The following CLYBL variants were observed in gnomAD, a reference collection of about 807,000 sequenced individuals.
The protein encoded by CLYBL is citramalyl-CoA lyase.
A neutral mutation model predicts 38.9 loss-of-function variants in CLYBL; 31 were observed. The ratio of observed to expected loss-of-function variants is 0.80; its 90% CI spans 0.60 to 1.08. The LOEUF (loss-of-function observed/expected upper bound fraction) is 1.08, where lower values mean the gene tolerates loss of function less well. Among genes scored for constraint, CLYBL ranks in the 50% least tolerant of loss-of-function variants. CLYBL has a pLI of 0.00. For missense variants in CLYBL, 434 were observed against 411.6 expected, an observed-to-expected ratio of 1.05 and a Z score of -0.47; for synonymous variants, 171 against 158.6, an observed-to-expected ratio of 1.08 and a Z score of -0.59.
chr13:99,668,726 C>T (rs1483279566), intron 1 of CLYBL, among the ~76,000 whole-genome samples: 1 of 152,282 alleles, frequency 6.6e-6, no homozygotes, highest in Non-Finnish European at 1.5e-5. Flanking sequence ...GGTACAATGA[C>T]ACAGCAACCC....
At chr13:99,864,229 G>T (rs1415929304) in intron 4 of CLYBL, among the ~76,000 whole-genome samples, 5 of 152,084 alleles carry the variant, frequency 3.3e-5, no homozygotes, top group Non-Finnish European at 5.9e-5. Context: ...TTATTAGCAG[G>T]TTATATCTCC....
chr13:99,807,760 C>T (rs1469817236), intron 2 of CLYBL, among the ~76,000 whole-genome samples: 1 of 152,016 alleles, frequency 6.6e-6, no homozygotes, highest in Admixed American at 6.6e-5. Flanking sequence ...TGCCAGTGTA[C>T]ACTCTAAAGG....
chr13:99,718,383 A>G (rs1450353407), intron 1 of CLYBL, among the ~76,000 whole-genome samples: 1 of 152,098 alleles, frequency 6.6e-6, no homozygotes, highest in Non-Finnish European at 1.5e-5. Flanking sequence ...AGAAAAAAAA[A>G]AAAAAACCTA....
In CLYBL at chr13:99,661,902, G is replaced by A. The variant is rs75698078; in HGVS notation, c.62+55145G>A. On this transcript the variant is annotated intron_variant, in intron 1 of 8. Coordinates refer to ENST00000339105, the MANE Select transcript of CLYBL (RefSeq NM_206808.5). ...GCACAATAGCCTGTCAGCCTCCCCTGCCCCCTTATAAATTGTGCCCCTGCT... is the reference window on the plus strand; with the variant it reads ...GCACAATAGCCTGTCAGCCTCCCCTACCCCCTTATAAATTGTGCCCCTGCT... Among the ~76,000 whole-genome samples, 61 of 152,220 alleles carry A rather than the reference G, an allele frequency of 4.0e-4. No individual in the cohort carries two copies. The East Asian group carries it at 8.7e-3, about 22-fold the overall frequency.
intron 3 of CLYBL, among the ~76,000 whole-genome samples, chr13:99,860,502 T>C (rs1031360061): frequency 2.0e-5 from 3 of 152,210 alleles, no homozygotes; most frequent in Non-Finnish European, 4.4e-5. Context: ...TATGTTAATA[T>C]CCTGGAGGGT....
At chr13:99,811,123 A>G (rs929934959) in intron 2 of CLYBL, among the ~76,000 whole-genome samples, 2 of 152,162 alleles carry the variant, frequency 1.3e-5, no homozygotes, top group African/African-American at 4.8e-5. Flanking sequence ...ATTTCCATCA[A>G]TCCCAAAGCC....
At chr13:99,877,303 A>T (rs2139282757) in intron 7 of CLYBL, among the ~76,000 whole-genome samples, 1 of 152,194 alleles carries the variant, frequency 6.6e-6, no homozygotes, top group Admixed American at 6.5e-5. Context: ...TGTTCCTTGG[A>T]CACCTTTCCC....
intron 1 of CLYBL, among the ~76,000 whole-genome samples, chr13:99,607,403 G>T (rs1205670452): frequency 6.6e-6 from 1 of 152,176 alleles, no homozygotes; most frequent in Non-Finnish European, 1.5e-5. Flanking sequence ...TGTTTTGAAG[G>T]AAATATTTGA....
At chr13:99,711,366 T>G (rs572059676) in intron 1 of CLYBL, among the ~76,000 whole-genome samples, 1 of 150,026 alleles carries the variant, frequency 6.7e-6, no homozygotes, top group East Asian at 2.0e-4. Flanking sequence ...ACCTTCTCAC[T>G]GCGTCCTCAT....
chr13:99,860,674 C>T (rs562465558), intron 3 of CLYBL, among the ~76,000 whole-genome samples: 28 of 152,348 alleles, frequency 1.8e-4, no homozygotes, highest in African/African-American at 6.7e-4. Flanking sequence ...CTTCTGTTCA[C>T]TGTTTTAAAT....
intron 1 of CLYBL, among the ~76,000 whole-genome samples, chr13:99,694,454 G>A (rs1283911926): frequency 1.3e-5 from 2 of 152,194 alleles, no homozygotes; most frequent in Non-Finnish European, 2.9e-5. Flanking sequence ...CAGCCTCGAA[G>A]TGAGAGGGCA....
chr13:99,889,470 T>C (rs529098959), intron 7 of CLYBL, among the ~76,000 whole-genome samples: 62 of 152,280 alleles, frequency 4.1e-4, no homozygotes, highest in African/African-American at 9.1e-4. Context: ...TTCCTCCTGG[T>C]CACAGAGGTG....
rs1412592167 is a variant in CLYBL at position 99,849,914 on chromosome 13, A to T, written c.250-8947A>T. Among the ~76,000 whole-genome samples the T allele has an allele frequency of 1.3e-5, 2 of 152,174 alleles. No individual in the cohort carries two copies. The highest frequency in any genetic ancestry group is 2.9e-5 in the Non-Finnish European group (2 of 68,018). On this transcript the variant is annotated intron_variant, in intron 2 of 8. Coordinates refer to ENST00000339105, the MANE Select transcript of CLYBL (RefSeq NM_206808.5). This position sits in a 1 kb window ranked among gnomAD's most constrained non-coding sequence, Gnocchi z 4.9. Reference sequence around the variant, plus strand: ...TTCTCTTTCCTGGGAATTTCATTGTATTTTGTTGAAAAATAAGGTGTGAAA... The same window carrying T: ...TTCTCTTTCCTGGGAATTTCATTGTTTTTTGTTGAAAAATAAGGTGTGAAA...
At chr13:99,777,665 G>A (rs993632430) in intron 2 of CLYBL, among the ~76,000 whole-genome samples, 4 of 151,728 alleles carry the variant, frequency 2.6e-5, no homozygotes, top group Non-Finnish European at 5.9e-5. Flanking sequence ...GCTAATTTTT[G>A]TAATTTTAGT....
chr13:99,706,294 C>G (rs2048146232), intron 1 of CLYBL, among the ~76,000 whole-genome samples: 1 of 152,124 alleles, frequency 6.6e-6, no homozygotes. Flanking sequence ...ATATAAAATG[C>G]CCCTGAGCCA....
chr13:99,804,649 G>A (rs1366414941), intron 2 of CLYBL, among the ~76,000 whole-genome samples: 3 of 151,910 alleles, frequency 2.0e-5, no homozygotes, highest in Non-Finnish European at 4.4e-5. Flanking sequence ...TTCAACTAAG[G>A]CATCACCTCC....
chr13:99,613,252 G>A (rs1215305356), intron 1 of CLYBL, among the ~76,000 whole-genome samples: 1 of 152,092 alleles, frequency 6.6e-6, no homozygotes, highest in Non-Finnish European at 1.5e-5. Flanking sequence ...CAAGGAATGT[G>A]CCAGGAAGGT....
intron 2 of CLYBL, among the ~76,000 whole-genome samples, chr13:99,791,454 G>T (rs1463115747): frequency 6.6e-6 from 1 of 152,070 alleles, no homozygotes; most frequent in African/African-American, 2.4e-5. Context: ...GTCCCTTAAG[G>T]TATCTCTTTA....
intron 1 of CLYBL, among the ~76,000 whole-genome samples, chr13:99,653,926 T>C (rs1343115681): frequency 6.6e-6 from 1 of 152,204 alleles, no homozygotes; most frequent in Non-Finnish European, 1.5e-5. Flanking sequence ...TCAAATACAA[T>C]GACTTTATCA....
Sources: gnomAD v4.1 joint callset for allele counts (sites outside exome capture counted in the v4.1 genomes callset) on GRCh38, gnomAD v4.1.1 for gene constraint, Gnocchi (gnomAD v3.1) non-coding constraint, MANE v1.5 for transcripts, NCBI Gene and HGNC (gene_info 2026-07-23, HGNC 2026-07-21) for gene names.